Variants in ZNF630 observed in about 807,000 individuals in gnomAD.
ZNF630 encodes the protein zinc finger protein 630.
A neutral mutation model predicts 7.2 loss-of-function variants in ZNF630; 5 were observed. The observed-to-expected ratio is 0.70, with a 90% CI of 0.36 to 1.46. The LOEUF is 1.46. Ranked by LOEUF, ZNF630 falls within the 40% of genes most tolerant of loss-of-function variation. The pLI, the probability that ZNF630 is intolerant of heterozygous loss-of-function variation, is 0.03. For missense variants in ZNF630, 461 were observed against 477.0 expected (o/e 0.97, Z 0.31); for synonymous variants, 158 against 162.8 (o/e 0.97, Z 0.23).
chrX:48,068,208 GA>G (rs1446403753), intron 1 of ZNF630, among the ~76,000 whole-genome samples: 1 of 56,990 alleles, frequency 1.8e-5, no homozygotes, highest in African/African-American at 5.7e-5. Context: ...GGAAAGAAAA[GA>G]AAAGAAAAGA....
At chrX:48,068,207 A>AG (rs1556910431) in intron 1 of ZNF630, among the ~76,000 whole-genome samples, 1 of 59,354 alleles carries the variant, frequency 1.7e-5, no homozygotes, top group Non-Finnish European at 3.3e-5. Flanking sequence ...AGGAAAGAAA[A>AG]GAAAAGAAAA....
In ZNF630 at chrX:48,060,421, G is replaced by T. The variant is rs191627455; in HGVS notation, c.238+29C>A. 6.8e-5 allele frequency: 78 copies of T among 1,144,777 alleles called. No individual in the cohort carries two copies. The South Asian group carries it at 1.4e-3, about 20-fold the overall frequency. The allele number at this position is 1,144,777 out of a possible 1,213,427, so 94.3% of individuals were successfully genotyped here. A position where few individuals can be genotyped will look rare whatever the true frequency, so the allele number is the denominator to read the frequency against. ...GATGTCAAGGAAGAAGAAGATGCCC[G>T]CTTGACCATGTACCCAATTCTCACT... On this transcript the variant is annotated intron_variant, in intron 4 of 4. Transcript: ENST00000276054.
Position 48,059,545 on chromosome X carries a change from G to A in ZNF630, c.897C>T (p.Ala299=). The change falls in exon 5 of 5, where the codon GCC becomes GCT. Residue 299 remains alanine, a synonymous_variant. Coordinates refer to ENST00000276054, the MANE Select transcript of ZNF630 (RefSeq NM_001282201.2). ...CAATGAGGTGTGATTTCTCACTGAA[G>A]GCTTTCCTACAATCTCCACATACAT... The part of the protein sequence containing the change: ...KPYVCGDCRK[A]FSEKSHLIVH... The A allele has an allele frequency of 8.3e-7, 1 of 1,207,193 alleles. No individual in the cohort carries two copies. The highest frequency in any genetic ancestry group is 1.7e-5 in the African/African-American group (1 of 57,146).
chrX:48,069,849 T>TTTG (rs1556910742), intron 1 of ZNF630, among the ~76,000 whole-genome samples: 2 of 62,566 alleles, frequency 3.2e-5, no homozygotes, highest in East Asian at 3.3e-3. Flanking sequence ...CTGTTTTTTT[T>TTTG]TTTTTTGTTT....
At chrX:48,070,024 A>AT (rs1365447804) in intron 1 of ZNF630, among the ~76,000 whole-genome samples, 1 of 106,722 alleles carries the variant, frequency 9.4e-6, no homozygotes, top group African/African-American at 3.4e-5. Context: ...CGCCCAGCTA[A>AT]TTTTTTTGTA....
In ZNF630 at chrX:48,058,578, T is replaced by A. The variant is rs183145545; in HGVS notation, c.1864A>T (p.Thr622Ser). 10 of 1,206,653 alleles carry A rather than the reference T, an allele frequency of 8.3e-6. No individual in the cohort carries two copies. The African/African-American group carries it at 1.8e-4, about 21-fold the overall frequency. ...SQMITYQRRH[T>S]GEKPSRCSDC... ...CTGCATCTGGAGGGTTTCTCCCCAG[T>A]GTGTCTTCTCTGATATGTAATCATC... The change falls in exon 5 of 5, where the codon ACT becomes TCT. Residue 622 changes from threonine (T) to serine (S), a missense_variant. Physicochemically the swap from Thr to Ser is moderately conservative, Grantham distance 58. Coordinates refer to ENST00000276054, the MANE Select transcript of ZNF630 (RefSeq NM_001282201.2).
Position 48,069,098 on chromosome X carries a change from G to A in ZNF630, c.-175-2037C>T, listed in dbSNP as rs782605942. On this transcript the variant is annotated intron_variant, in intron 1 of 4. Coordinates refer to ENST00000276054, the MANE Select transcript of ZNF630 (RefSeq NM_001282201.2). ...CTACAAAAAATAAACAAAATTAGCC[G>A]GGCGTGGTGGTGCACACCTGTAGTC... 8.2e-5 allele frequency among the ~76,000 whole-genome samples: 9 copies of A among 109,748 alleles called. No individual in the cohort carries two copies. The East Asian group carries it at 1.7e-3, about 21-fold the overall frequency.
At chrX:48,065,013 A>C (rs2146507240) in intron 2 of ZNF630, among the ~76,000 whole-genome samples, 1 of 112,369 alleles carries the variant, frequency 8.9e-6, no homozygotes, top group South Asian at 3.6e-4. Flanking sequence ...CTACAGAAAA[A>C]GTTTGCTGAC....
Position 48,060,147 on chromosome X carries a change from G to T in ZNF630, c.295C>A (p.Gln99Lys), listed in dbSNP as rs184943023. ...QQIISGELLF[Q>K]REILERAPKD... ...GGGGCTCTTTCTAGTATCTCCCTTT[G>T]AAATAAAAGTTCTCCAGAAATGATC... The change falls in exon 5 of 5, where the codon CAA becomes AAA. Residue 99 changes from glutamine (Q) to lysine (K), a missense_variant. Physicochemically the swap from Gln to Lys is moderately conservative, Grantham distance 53 (BLOSUM62 1). Transcript: ENST00000276054. 1.1e-4 allele frequency: 130 copies of T among 1,159,577 alleles called. No homozygotes were observed. Among genetic ancestry groups the T allele is most frequent in the Non-Finnish European group, 1.3e-5 (11 of 869,145 alleles).
chrX:48,066,328 A>AG (rs200181189), intron 2 of ZNF630: 1 of 51,910 alleles, frequency 1.9e-5, no homozygotes, highest in African/African-American at 5.4e-5. Flanking sequence ...TTCAGGGAGA[A>AG]AAAAAAAAAA....
rs782003470 is a variant in ZNF630, at chrX:48,058,440, T to C, written c.*28A>G. 1 of 1,142,420 alleles carries C rather than the reference T, an allele frequency of 8.8e-7. No individual in the cohort carries two copies. Among genetic ancestry groups the C allele is most frequent in the East Asian group, 3.0e-5 (1 of 33,304 alleles). The allele number at this position is 1,142,420 out of a possible 1,213,427, so 94.1% of individuals were successfully genotyped here. A position where few individuals can be genotyped will look rare whatever the true frequency, so the allele number is the denominator to read the frequency against. ...GAGTTTTCCCATAGACAATGAGGACTGACTTCTGGGAATAGGCCTTCCCAC... is the reference window on the plus strand; with the variant it reads ...GAGTTTTCCCATAGACAATGAGGACCGACTTCTGGGAATAGGCCTTCCCAC... On this transcript the variant is annotated 3_prime_UTR_variant, in exon 5 of 5. Coordinates refer to ENST00000276054, the MANE Select transcript of ZNF630 (RefSeq NM_001282201.2).
rs1467117486 is a variant in ZNF630, at chrX:48,059,603, A to G, written c.839T>C (p.Ile280Thr). ...CTCTCCAGTATGAATTCTTTGATGT[A>G]TAATGAGCTGTGACTTCTTGATAAA... ...KAFIKKSQLI[I>T]HQRIHTGEKP... The change falls in exon 5 of 5, where the codon ATA (isoleucine) becomes ACA (threonine). Residue 280 changes from isoleucine (I) to threonine (T), a missense_variant. Ile to Thr is a moderately conservative substitution (Grantham distance 89). Coordinates refer to ENST00000276054, the MANE Select transcript of ZNF630 (RefSeq NM_001282201.2). 15 of 1,207,286 alleles carry G rather than the reference A, an allele frequency of 1.2e-5. No homozygotes were observed. The highest frequency in any genetic ancestry group is 2.2e-5 in the Admixed American group (1 of 45,719).
chrX:48,058,356 C>A lies in ZNF630; in HGVS notation c.*112G>T. ...TTCTGTGGAAGGGTAATCATGTATACTGAGGAACATATTAGTCTATTCTAC... is the reference window on the plus strand; with the variant it reads ...TTCTGTGGAAGGGTAATCATGTATAATGAGGAACATATTAGTCTATTCTAC... On this transcript the variant is annotated 3_prime_UTR_variant, in exon 5 of 5. Transcript: ENST00000276054. 2 of 756,400 alleles carry A rather than the reference C, an allele frequency of 2.6e-6. No individual in the cohort carries two copies. The highest frequency in any genetic ancestry group is 3.7e-6 in the Non-Finnish European group (2 of 541,289). The allele number at this position is 756,400 out of a possible 1,213,427, so 62.3% of individuals were successfully genotyped here.
At chrX:48,061,715 T>G in intron 2 of ZNF630, 1 of 317,976 alleles carries the variant, frequency 3.1e-6, no homozygotes, top group Non-Finnish European at 6.1e-6. Flanking sequence ...TCACAAGATC[T>G]AATGGTATTA....
chrX:48,070,672 C>T (rs1210467290), intron 1 of ZNF630, among the ~76,000 whole-genome samples: 2 of 101,967 alleles, frequency 2.0e-5, no homozygotes, highest in Non-Finnish European at 4.0e-5. Context: ...GAGAGTCCAA[C>T]AGAAAAATGA....
At chrX:48,063,775 C>T (rs2059117696) in intron 2 of ZNF630, among the ~76,000 whole-genome samples, 2 of 110,426 alleles carry the variant, frequency 1.8e-5, no homozygotes, top group African/African-American at 3.3e-5. Context: ...GTAATCCCTG[C>T]TACTCCGGAG....
At chrX:48,068,595 T>G (rs1311035005) in intron 1 of ZNF630, among the ~76,000 whole-genome samples, 1 of 111,634 alleles carries the variant, frequency 9.0e-6, no homozygotes, top group Admixed American at 9.5e-5. Flanking sequence ...TTTTTTCCAA[T>G]GATAAAAAGT....
rs1017367529 is a variant in ZNF630, at chrX:48,058,817, G to A, written c.1625C>T (p.Pro542Leu). The A allele has an allele frequency of 8.3e-7, 1 of 1,206,173 alleles. No homozygotes were observed. Among genetic ancestry groups the A allele is most frequent in the East Asian group, 3.0e-5 (1 of 33,707 alleles). Reference protein sequence around the residue: ...IHLRVHTGEKPYECTECGRAF... With the variant: ...IHLRVHTGEKLYECTECGRAF... ...CCTCCCACACTCAGTACACTCATAAGGTTTCTCCCCTGTGTGAACTCTCAG... is the reference window on the plus strand; with the variant it reads ...CCTCCCACACTCAGTACACTCATAAAGTTTCTCCCCTGTGTGAACTCTCAG... The change falls in exon 5 of 5, where the codon CCT (proline) becomes CTT (leucine). Residue 542 changes from proline to leucine, a missense_variant. By Grantham distance (98) the Pro-to-Leu change is moderately conservative. Coordinates refer to ENST00000276054, the MANE Select transcript of ZNF630 (RefSeq NM_001282201.2).
chrX:48,060,988 T>C (rs782559670), intron 2 of ZNF630, 43 bp from the exon 3 acceptor site: 2 of 1,147,791 alleles, frequency 1.7e-6, no homozygotes, highest in Non-Finnish European at 2.3e-6. Context: ...TTCTGGTCAT[T>C]TTTACCATAG....
Sources: allele counts gnomAD v4.1 joint callset (sites outside exome capture counted in the v4.1 genomes callset), GRCh38; gene constraint gnomAD v4.1.1; transcripts MANE v1.5; gene names NCBI Gene and HGNC (gene_info 2026-07-23, HGNC 2026-07-21).